The following ABCA10 variants were observed in gnomAD, a reference collection of about 807,000 sequenced individuals.
ABCA10 encodes the protein ATP binding cassette subfamily A member 10.
A neutral mutation model predicts 187.5 loss-of-function variants in ABCA10; 169 were observed. The ratio of observed to expected loss-of-function variants is 0.90; its 90% confidence interval spans 0.80 to 1.02. The LOEUF is 1.02. Among genes scored for constraint, ABCA10 ranks in the 50% least tolerant of loss-of-function variants. ABCA10 has a pLI of 0.00. For synonymous variants in ABCA10, 574 were observed against 601.8 expected, an observed-to-expected ratio of 0.95 and a Z score of 0.68; for missense variants, 1,727 against 1,812.4, an observed-to-expected ratio of 0.95 and a Z score of 0.86.
chr17:69,163,357 G>T (rs1446926649), intron 27 of ABCA10, among the ~76,000 whole-genome samples: 1 of 152,068 alleles, frequency 6.6e-6, no homozygotes, highest in African/African-American at 2.4e-5. Flanking sequence ...AGGTTCCAGG[G>T]TTTGTTTGCT....
At chr17:69,175,546 C>G (rs746260417) in intron 22 of ABCA10, 33 bp from the exon 23 acceptor site, 3 of 1,488,440 alleles carry the variant, frequency 2.0e-6, no homozygotes, top group East Asian at 2.3e-5. Flanking sequence ...TAAGCTGTTG[C>G]AATTGTTACA....
intron 23 of ABCA10, 51 bp downstream of exon 23, chr17:69,175,355 T>C (rs767772938): frequency 3.3e-6 from 5 of 1,504,376 alleles, no homozygotes; most frequent in East Asian, 2.3e-5. Context: ...TTGCAATTAC[T>C]ACAGTCAAAT....
At position 69,153,555 on chromosome 17, in the gene ABCA10, A is replaced by T. The variant is rs960218649; in HGVS notation, c.3966-9T>A. On this transcript the variant is annotated splice_polypyrimidine_tract_variant and intron_variant, in intron 32 of 38. Coordinates refer to ENST00000690296, the MANE Select transcript of ABCA10 (RefSeq NM_001377321.1). ...TAAGAGCTTCCACCAATCTGACAAA[A>T]AACAGTGTGATTATACATGAAGTAT... 3.1e-6 allele frequency: 5 copies of T among 1,614,146 alleles called. No individual in the cohort carries two copies. Among genetic ancestry groups the T allele is most frequent in the Non-Finnish European group, 4.2e-6 (5 of 1,179,998 alleles).
At chr17:69,193,766 C>A (rs1435086406) in intron 13 of ABCA10, 48 bp downstream of exon 13, 3 of 1,588,084 alleles carry the variant, frequency 1.9e-6, no homozygotes, top group South Asian at 1.2e-5. Context: ...AATATATAGT[C>A]AAAAGTAAAT....
intron 5 of ABCA10, among the ~76,000 whole-genome samples, chr17:69,220,721 G>C (rs2074741623): frequency 6.6e-6 from 1 of 152,192 alleles, no homozygotes; most frequent in Admixed American, 6.5e-5. Context: ...AGCTAGAGCA[G>C]ACGTCTAGCT....
At chr17:69,243,316 C>T (rs1456062436) in intron 1 of ABCA10, among the ~76,000 whole-genome samples, 1 of 152,150 alleles carries the variant, frequency 6.6e-6, no homozygotes, top group African/African-American at 2.4e-5. Context: ...TGTCACTGTG[C>T]TAAGGCAATA....
chr17:69,150,104 GTGATAA>G, intron 36 of ABCA10, 41 bp from the exon 37 acceptor site: 1 of 1,453,128 alleles, frequency 6.9e-7, no homozygotes, highest in African/African-American at 1.4e-5. Flanking sequence ...AAGTTTCAGT[GTGATAA>G]TACGGGGGAG....
At chr17:69,195,554 C>CTTTTTTTTTTTT (rs59069489) in intron 11 of ABCA10, among the ~76,000 whole-genome samples, 15 of 102,926 alleles carry the variant, frequency 1.5e-4, no homozygotes, top group African/African-American at 2.5e-4. Flanking sequence ...TGAAGTTTTT[C>CTTTTTTTTTTTT]TTTTTTTTTT....
chr17:69,241,073 A>C (rs762729513), intron 1 of ABCA10, among the ~76,000 whole-genome samples: 2 of 152,212 alleles, frequency 1.3e-5, no homozygotes, highest in African/African-American at 2.4e-5. Context: ...TAACAAATAC[A>C]AAACTGATCT....
At chr17:69,161,665 TATA>T (rs2074219478) in intron 27 of ABCA10, among the ~76,000 whole-genome samples, 1 of 152,196 alleles carries the variant, frequency 6.6e-6, no homozygotes, top group Non-Finnish European at 1.5e-5. Context: ...CCTAACTTCT[TATA>T]ATATGTTTGA....
chr17:69,216,868 T>A (rs761088861), intron 6 of ABCA10, among the ~76,000 whole-genome samples: 1 of 152,166 alleles, frequency 6.6e-6, no homozygotes, highest in Non-Finnish European at 1.5e-5. Context: ...TATCCTTGTA[T>A]GGCTATGGAC....
Position 69,175,501 on chromosome 17 carries a change from G to A in ABCA10, c.2782C>T (p.Leu928=), listed in dbSNP as rs146076155. 8.1e-5 allele frequency: 130 copies of A among 1,607,996 alleles called. No homozygotes were observed. In the African/African-American group the frequency reaches 1.6e-3, roughly 19 times the overall value. The change falls in exon 23 of 39, where the codon CTG becomes TTG. Residue 928 remains leucine (L), a synonymous_variant. Transcript: ENST00000690296. ...STSFSRDDIV[L]DLGFIDGSIF... is the part of the protein sequence containing the mutation. ...GACCCATCTATAAAACCAAGATCCA[G>A]CACTATGTCATCCTGAAAGATGAAA...
At chr17:69,198,477 T>C (rs904961779) in intron 10 of ABCA10, among the ~76,000 whole-genome samples, 24 of 152,230 alleles carry the variant, frequency 1.6e-4, no homozygotes, top group Admixed American at 3.9e-4. Flanking sequence ...GGCTCGAGGT[T>C]TGCAGCAGCT....
At chr17:69,231,432 T>G (rs1343447328), upstream of ABCA10, among the ~76,000 whole-genome samples, 1 of 152,162 alleles carries the variant, frequency 6.6e-6, no homozygotes, top group Non-Finnish European at 1.5e-5. Flanking sequence ...TAAAACTGCT[T>G]TTGCTGTATC....
chr17:69,214,829 A>T lies in ABCA10; in HGVS notation c.881T>A (p.Leu294Ter). ...MAQITHLDNY[L>*]SGVIFPDPSG... Reference sequence around the variant, plus strand: ...GGGATCAGGAAAAATAACACCACTTAAGTAATTATCCAGGTGTGTAATCTG... The same window carrying T: ...GGGATCAGGAAAAATAACACCACTTTAGTAATTATCCAGGTGTGTAATCTG... Residue 294 changes from leucine (L) to a stop codon, truncating the protein, a stop_gained, in exon 9 of 39, where the codon TTA (leucine) becomes TAA (stop). Coordinates refer to ENST00000690296, the MANE Select transcript of ABCA10 (RefSeq NM_001377321.1). LOFTEE classifies it high-confidence loss of function. 6.7e-7 allele frequency: 1 copy of T among 1,503,696 alleles called. No homozygotes were observed. The allele number at this position is 1,503,696 out of a possible 1,614,324, so 93.1% of individuals were successfully genotyped here. A position where few individuals can be genotyped will look rare whatever the true frequency, so the allele number is the denominator to read the frequency against.
At chr17:69,176,042 G>T (rs901692973) in intron 22 of ABCA10, among the ~76,000 whole-genome samples, 2 of 152,150 alleles carry the variant, frequency 1.3e-5, no homozygotes, top group African/African-American at 4.8e-5. Context: ...GTTGACCAAA[G>T]GTAACTGAAA....
At chr17:69,213,822 A>G (rs1426375612) in intron 9 of ABCA10, among the ~76,000 whole-genome samples, 27 of 152,152 alleles carry the variant, frequency 1.8e-4, no homozygotes, top group Admixed American at 1.8e-3. Flanking sequence ...CAAAGTTATT[A>G]CAAAATTCAG....
chr17:69,180,443 G>A (rs533163109), intron 22 of ABCA10, among the ~76,000 whole-genome samples: 3 of 152,092 alleles, frequency 2.0e-5, no homozygotes, highest in Admixed American at 6.6e-5. Context: ...AATTAGGAGG[G>A]TCTTTAAGCA....
intron 37 of ABCA10, 129 bp downstream of exon 37, chr17:69,149,855 T>C (rs917782757): frequency 1.6e-4 from 110 of 698,948 alleles, no homozygotes; most frequent in Non-Finnish European, 2.3e-4. Context: ...TTGTTATGAC[T>C]ATCCTGGTAG....
Sources: gnomAD v4.1 joint callset for allele counts (sites outside exome capture counted in the v4.1 genomes callset) on GRCh38, gnomAD v4.1.1 for gene constraint, MANE v1.5 for transcripts, NCBI Gene and HGNC (gene_info 2026-07-23, HGNC 2026-07-21) for gene names.